The following RANBP3L variants were observed in gnomAD, a reference collection of about 807,000 sequenced individuals.
The protein encoded by RANBP3L is ran-binding protein 3-like.
Under a neutral mutation model 67.2 loss-of-function variants are expected in RANBP3L, and 56 were observed. That is an observed-to-expected ratio of 0.83 (90% CI 0.67 to 1.04). RANBP3L has a LOEUF of 1.04. RANBP3L is among the 50% of genes least tolerant of loss of function. The pLI, the probability that RANBP3L is intolerant of heterozygous loss-of-function variation, is 0.00. For missense variants in RANBP3L, 496 were observed against 535.5 expected (o/e 0.93, Z 0.73); for synonymous variants, 164 against 181.4 (o/e 0.90, Z 0.77).
chr5:36,269,479 G>A lies in RANBP3L; in HGVS notation c.191-12C>T, dbSNP rs1750057966. 1.4e-6 allele frequency: 2 copies of A among 1,413,508 alleles called. No homozygotes were observed. Among genetic ancestry groups the A allele is most frequent in the South Asian group, 1.2e-5 (1 of 85,996 alleles). The allele number at this position is 1,413,508 out of a possible 1,614,324, so 87.6% of individuals were successfully genotyped here. A position where few individuals can be genotyped will look rare whatever the true frequency, so the allele number is the denominator to read the frequency against. Reference sequence around the variant, plus strand: ...AAAACCATTACATTCTGCAAGAAAAGCAATGGAAAGGCTAAAATTACTTGT... The same window carrying A: ...AAAACCATTACATTCTGCAAGAAAAACAATGGAAAGGCTAAAATTACTTGT... On this transcript the variant is annotated splice_polypyrimidine_tract_variant and intron_variant, in intron 3 of 13. Coordinates refer to ENST00000296604, the MANE Select transcript of RANBP3L (RefSeq NM_145000.5).
rs964133574 is a variant in RANBP3L at position 36,248,450 on chromosome 5, C to T, written c.*1204G>A. On this transcript the variant is annotated 3_prime_UTR_variant, in exon 14 of 14. Coordinates refer to ENST00000296604, the MANE Select transcript of RANBP3L (RefSeq NM_145000.5). ...TAGCTGAAGTTTGACTTAATAAATA[C>T]TTATATATTTTTATTATTTTATAAC... 1.3e-5 allele frequency: 2 copies of T among 152,218 alleles called. No homozygotes were observed. Among genetic ancestry groups the T allele is most frequent in the Middle Eastern group, 6.8e-3 (2 of 294 alleles). The allele number at this position is 152,218 out of a possible 1,614,324, so 9.4% of individuals were successfully genotyped here.
At chr5:36,298,336 T>A (rs1159221616) in intron 1 of RANBP3L, among the ~76,000 whole-genome samples, 1 of 150,270 alleles carries the variant, frequency 6.7e-6, no homozygotes, top group Non-Finnish European at 1.5e-5. Context: ...AATATGTATG[T>A]GTTGAAGCTA....
rs574250586 is a variant in RANBP3L at position 36,295,335 on chromosome 5, T to TAGTG, written c.91+5987_91+5990dup. 7.7e-3 allele frequency among the ~76,000 whole-genome samples: 1,176 copies of TAGTG among 152,148 alleles called. 13 individuals are homozygous for TAGTG. Among genetic ancestry groups the TAGTG allele is most frequent in the African/African-American group, 0.026 (1,096 of 41,500 alleles). ...TGTTACCCCCATGCTGTTCTCATGA[T>TAGTG]AGTGAGTTCTCATGAGATCTGATGG... On this transcript the variant is annotated intron_variant, in intron 1 of 13. Coordinates refer to ENST00000296604, the MANE Select transcript of RANBP3L (RefSeq NM_145000.5).
At chr5:36,254,612 A>G (rs1748839410) in intron 11 of RANBP3L, among the ~76,000 whole-genome samples, 1 of 151,996 alleles carries the variant, frequency 6.6e-6, no homozygotes, top group Non-Finnish European at 1.5e-5. Flanking sequence ...TCTGTGTGCC[A>G]GTTACAGAAC....
At chr5:36,249,728 A>T in intron 13 of RANBP3L, 31 bp from the exon 14 acceptor site, 1 of 1,263,738 alleles carries the variant, frequency 7.9e-7, no homozygotes, top group Non-Finnish European at 1.1e-6. Context: ...GTTTTATTAT[A>T]CAATATTATA....
At chr5:36,275,386 A>G (rs1208635796) in intron 1 of RANBP3L, among the ~76,000 whole-genome samples, 1 of 152,224 alleles carries the variant, frequency 6.6e-6, no homozygotes, top group African/African-American at 2.4e-5. Context: ...TCCTGCCTCC[A>G]AAACCATTGA....
chr5:36,256,967 C>G lies in RANBP3L; in HGVS notation c.877G>C (p.Glu293Gln). The G allele has an allele frequency of 6.2e-7, 1 of 1,613,150 alleles. No individual in the cohort carries two copies. Among genetic ancestry groups the G allele is most frequent in the Non-Finnish European group, 8.5e-7 (1 of 1,179,384 alleles). Residue 293 changes from glutamate (E) to glutamine (Q), a missense_variant, in exon 10 of 14, where the codon GAG (glutamate) becomes CAG (glutamine). Physicochemically the swap from Glu to Gln is conservative, Grantham distance 29. Coordinates refer to ENST00000296604, the MANE Select transcript of RANBP3L (RefSeq NM_145000.5). ...TTTAACACATTATGTTCTGTTTCCT[C>G]CCCTGTTATAACATCAATTTTCTCC... ...LLEKIDVITGEETEHNVLKIN... is the reference protein window; with the variant it reads ...LLEKIDVITGQETEHNVLKIN...
rs780848571 is a variant in RANBP3L at position 36,249,691 on chromosome 5, G to GAAGGGTCTGTGAGTCCAACTAA, written c.1360_1361insTTAGTTGGACTCACAGACCCTT (p.Ser454PhefsTer9). On this transcript the variant is annotated frameshift_variant, in exon 14 of 14. Transcript: ENST00000296604. LOFTEE classifies it high-confidence loss of function. ...AACCGACTGTCTGTGAGTCCAACTAGAAGGATCTGTGATATAAATTTAAAA... is the reference window on the plus strand; with the variant it reads ...AACCGACTGTCTGTGAGTCCAACTAGAAGGGTCTGTGAGTCCAACTAAAAGGATCTGTGATATAAATTTAAAA... 7.1e-6 allele frequency: 11 copies of GAAGGGTCTGTGAGTCCAACTAA among 1,541,872 alleles called. No homozygotes were observed. Among genetic ancestry groups the GAAGGGTCTGTGAGTCCAACTAA allele is most frequent in the African/African-American group, 1.4e-5 (1 of 73,358 alleles).
At chr5:36,278,908 C>G (rs1164725265) in intron 1 of RANBP3L, among the ~76,000 whole-genome samples, 1 of 152,088 alleles carries the variant, frequency 6.6e-6, no homozygotes, top group African/African-American at 2.4e-5. Context: ...GAAAAGGTCA[C>G]CGGTTGAGAT....
chr5:36,250,257 AT>A (rs994844466), intron 13 of RANBP3L, among the ~76,000 whole-genome samples: 22 of 152,026 alleles, frequency 1.4e-4, no homozygotes, highest in African/African-American at 4.8e-4. Flanking sequence ...AAAATAAAAG[AT>A]TTTTTTATTT....
At chr5:36,261,845 G>A (rs542897959) in intron 7 of RANBP3L, 94 bp downstream of exon 7, 261 of 637,888 alleles carry the variant, frequency 4.1e-4, no homozygotes, top group African/African-American at 3.3e-3. Flanking sequence ...CAATTTATCC[G>A]TACAAGGTCA....
At chr5:36,298,666 T>A (rs1421760582) in intron 1 of RANBP3L, among the ~76,000 whole-genome samples, 1 of 152,238 alleles carries the variant, frequency 6.6e-6, no homozygotes, top group Non-Finnish European at 1.5e-5. Flanking sequence ...AATCACTAGA[T>A]GATATTTCTT....
At chr5:36,286,985 C>T (rs1751369755) in intron 1 of RANBP3L, among the ~76,000 whole-genome samples, 2 of 152,102 alleles carry the variant, frequency 1.3e-5, no homozygotes, top group African/African-American at 4.8e-5. Flanking sequence ...TTATCATTTA[C>T]ACCATTGAGC....
intron 1 of RANBP3L, among the ~76,000 whole-genome samples, chr5:36,290,494 G>A (rs1430366300): frequency 2.0e-5 from 3 of 151,976 alleles, no homozygotes; most frequent in Non-Finnish European, 1.5e-5. Flanking sequence ...TGAGATTACA[G>A]GTGTGAGCCA....
intron 1 of RANBP3L, among the ~76,000 whole-genome samples, chr5:36,295,516 T>C (rs746416432): frequency 6.6e-6 from 1 of 152,144 alleles, no homozygotes; most frequent in Non-Finnish European, 1.5e-5. Context: ...CTCTTTCCTT[T>C]ATAAATTACC....
chr5:36,282,375 AT>A (rs1027824129), intron 1 of RANBP3L, among the ~76,000 whole-genome samples: 1 of 152,234 alleles, frequency 6.6e-6, no homozygotes, highest in Non-Finnish European at 1.5e-5. Flanking sequence ...TTGACACAAA[AT>A]ATCATATCAG....
intron 1 of RANBP3L, among the ~76,000 whole-genome samples, chr5:36,280,513 G>T (rs1417285186): frequency 5.9e-5 from 9 of 152,130 alleles, no homozygotes; most frequent in Non-Finnish European, 8.8e-5. Flanking sequence ...AGTTCACAGA[G>T]TCCTAAAAAC....
chr5:36,262,937 G>T (rs557738100), intron 6 of RANBP3L, among the ~76,000 whole-genome samples: 9 of 152,128 alleles, frequency 5.9e-5, no homozygotes, highest in South Asian at 2.1e-4. Flanking sequence ...GGCATATATT[G>T]TTTAATCTAT....
chr5:36,293,549 A>G (rs1053156064), intron 1 of RANBP3L, among the ~76,000 whole-genome samples: 1 of 148,072 alleles, frequency 6.8e-6, no homozygotes, highest in African/African-American at 2.5e-5. Flanking sequence ...TGTCATAGAT[A>G]GCTCTTGTTA....
Sources: gnomAD v4.1 joint callset for allele counts (sites outside exome capture counted in the v4.1 genomes callset) on GRCh38, gnomAD v4.1.1 for gene constraint, MANE v1.5 for transcripts, NCBI Gene and HGNC (gene_info 2026-07-23, HGNC 2026-07-21) for gene names.